NRG3: variants seen among roughly 807,000 people sequenced by gnomAD.
NRG3 encodes pro-neuregulin-3, membrane-bound isoform.
A neutral mutation model predicts 66.9 loss-of-function variants in NRG3; 31 were observed. The ratio of observed to expected loss-of-function variants is 0.46; its 90% CI spans 0.35 to 0.63. NRG3 has a LOEUF of 0.63. NRG3 is among the 20% of genes least tolerant of loss of function. The probability of loss-of-function intolerance (pLI) is 0.00; values close to 1 mark genes in which losing one functional copy is unlikely to be tolerated. For missense variants in NRG3, 910 were observed against 878.9 expected (o/e 1.04, Z -0.45); for synonymous variants, 393 against 359.4 (o/e 1.09, Z -1.06).
intron 6 of NRG3, among the ~76,000 whole-genome samples, chr10:82,968,518 T>A (rs1486917144): frequency 6.6e-6 from 1 of 152,026 alleles, no homozygotes; most frequent in Non-Finnish European, 1.5e-5. Context: ...ACAGAACAGG[T>A]TAAGAGGTTA....
At chr10:82,928,340 T>C (rs998879858) in intron 4 of NRG3, among the ~76,000 whole-genome samples, 6 of 152,220 alleles carry the variant, frequency 3.9e-5, no homozygotes, top group Non-Finnish European at 8.8e-5. Flanking sequence ...CTCTTTAGTT[T>C]AGTTAGATCC....
chr10:82,373,099 G>A (rs548559200), intron 2 of NRG3, among the ~76,000 whole-genome samples: 8 of 152,300 alleles, frequency 5.3e-5, no homozygotes, highest in Admixed American at 4.6e-4. Context: ...TGCGAGGCTC[G>A]CATAGGGTGA....
chr10:82,906,673 A>T (rs1844763831), intron 4 of NRG3, among the ~76,000 whole-genome samples: 2 of 152,216 alleles, frequency 1.3e-5, no homozygotes, highest in South Asian at 4.1e-4. Context: ...AGGTAACATG[A>T]CTAACATCCT....
intron 1 of NRG3, among the ~76,000 whole-genome samples, chr10:82,327,363 G>T (rs1007442410): frequency 6.6e-6 from 1 of 152,170 alleles, no homozygotes; most frequent in Non-Finnish European, 1.5e-5. Flanking sequence ...AGCAGTAGAT[G>T]GGGCTGAGCT....
At chr10:82,554,231 A>G (rs1034453534) in intron 2 of NRG3, among the ~76,000 whole-genome samples, 4 of 152,172 alleles carry the variant, frequency 2.6e-5, no homozygotes, top group South Asian at 2.1e-4. Flanking sequence ...TAGGGTGACT[A>G]TCACGGACAG....
intron 2 of NRG3, among the ~76,000 whole-genome samples, chr10:82,536,088 C>G (rs1383523014): frequency 2.0e-5 from 3 of 152,014 alleles, no homozygotes; most frequent in African/African-American, 7.2e-5. Context: ...GTGGTTTGTC[C>G]CAGAGTCTCC....
At chr10:81,940,126 A>G (rs1848277865) in intron 1 of NRG3, among the ~76,000 whole-genome samples, 1 of 152,124 alleles carries the variant, frequency 6.6e-6, no homozygotes, top group African/African-American at 2.4e-5. Flanking sequence ...TAGTCAGAAA[A>G]AGATGCTTAA....
Position 82,668,767 on chromosome 10 carries a change from G to A in NRG3, c.954-69810G>A, listed in dbSNP as rs753906556. On this transcript the variant is annotated intron_variant, in intron 2 of 8. Transcript: ENST00000372141. ...TACCTTTCATGTGCCAGATTATCTC[G>A]AAGGCTCTGGTGACCTTAGGATGAA... 3.9e-5 allele frequency among the ~76,000 whole-genome samples: 6 copies of A among 152,062 alleles called. No individual in the cohort carries two copies. The East Asian group carries it at 7.7e-4, about 20-fold the overall frequency.
chr10:82,154,611 A>G (rs888610817), intron 1 of NRG3, among the ~76,000 whole-genome samples: 1 of 151,470 alleles, frequency 6.6e-6, no homozygotes, highest in Non-Finnish European at 1.5e-5. Flanking sequence ...GAAAAATGCC[A>G]TTGGAATTTT....
intron 1 of NRG3, among the ~76,000 whole-genome samples, chr10:81,896,927 G>T (rs528984194): frequency 8.5e-5 from 13 of 152,234 alleles, no homozygotes; most frequent in Admixed American, 5.9e-4. Flanking sequence ...TTACATTCCC[G>T]TGGAGAAGTT....
chr10:82,295,525 G>T (rs2080012467), intron 1 of NRG3, among the ~76,000 whole-genome samples: 1 of 152,132 alleles, frequency 6.6e-6, no homozygotes, highest in African/African-American at 2.4e-5. Flanking sequence ...ATTAGAATCT[G>T]AGGGACTCTG....
Position 82,679,120 on chromosome 10 carries a change from G to A in NRG3, c.954-59457G>A, listed in dbSNP as rs574031200. Among the ~76,000 whole-genome samples the A allele has an allele frequency of 2.0e-4, 31 of 152,288 alleles. No homozygotes were observed. In the South Asian group the frequency reaches 6.4e-3, roughly 32 times the overall value. On this transcript the variant is annotated intron_variant, in intron 2 of 8. Transcript: ENST00000372141. ...GTTATAATTTGAAGGAGAACTGAAA[G>A]GACTTGATGAGATGACCATTGTGCT... is the stretch of plus-strand genomic sequence containing the variant.
chr10:82,694,305 C>T (rs1244865058), intron 2 of NRG3, among the ~76,000 whole-genome samples: 1 of 152,364 alleles, frequency 6.6e-6, no homozygotes, highest in East Asian at 1.9e-4. Flanking sequence ...TTCAAGTCCC[C>T]ACTCAGCCCA....
chr10:81,933,326 T>C (rs1426802675), intron 1 of NRG3, among the ~76,000 whole-genome samples: 1 of 152,124 alleles, frequency 6.6e-6, no homozygotes, highest in African/African-American at 2.4e-5. Context: ...CTCTGCAAGA[T>C]AGATACTTAT....
rs115690197 is a variant in NRG3, at chr10:82,277,126, T to G, written c.824-81613T>G. Among the ~76,000 whole-genome samples, 810 of 152,158 alleles carry G rather than the reference T, an allele frequency of 5.3e-3. 9 individuals carry two copies. The highest frequency in any genetic ancestry group is 0.019 in the African/African-American group (778 of 41,526). On this transcript the variant is annotated intron_variant, in intron 1 of 8. Transcript: ENST00000372141. ...TGTCAGGCTGCTTCTTTCAAATTGG[T>G]CATTACTAGACATTTTCATTGCAAT...
At chr10:82,243,872 G>A (rs1372428102) in intron 1 of NRG3, among the ~76,000 whole-genome samples, 3 of 152,126 alleles carry the variant, frequency 2.0e-5, no homozygotes, top group Non-Finnish European at 2.9e-5. Flanking sequence ...AAATTGCTAC[G>A]CAGGATTTAG....
At chr10:82,252,515 T>G (rs537809204) in intron 1 of NRG3, among the ~76,000 whole-genome samples, 74 of 152,304 alleles carry the variant, frequency 4.9e-4, no homozygotes, top group African/African-American at 1.6e-3. Flanking sequence ...TGGTGAGTAT[T>G]TTTAGCACTA....
At chr10:81,929,028 A>G (rs914339497) in intron 1 of NRG3, among the ~76,000 whole-genome samples, 1 of 152,078 alleles carries the variant, frequency 6.6e-6, no homozygotes, top group Non-Finnish European at 1.5e-5. Context: ...AAGTCTTGCT[A>G]TGTTGCCCAG....
chr10:82,749,705 G>A (rs17100710), intron 3 of NRG3, among the ~76,000 whole-genome samples: 1 of 151,344 alleles, frequency 6.6e-6, no homozygotes, highest in Non-Finnish European at 1.5e-5. Context: ...CATATGTGGG[G>A]ACAGTCTTTT....
Sources: allele counts gnomAD v4.1 joint callset (sites outside exome capture counted in the v4.1 genomes callset), GRCh38; gene constraint gnomAD v4.1.1; transcripts MANE v1.5; gene names NCBI Gene and HGNC (gene_info 2026-07-23, HGNC 2026-07-21).